The following DLG2 variants were observed in gnomAD, a reference collection of about 807,000 sequenced individuals.
DLG2 encodes the protein discs large MAGUK scaffold protein 2, also known as disks large homolog 2.
A neutral mutation model predicts 132.5 loss-of-function variants in DLG2; 45 were observed. The ratio of observed to expected loss-of-function variants is 0.34; its 90% CI spans 0.27 to 0.44. DLG2 has a LOEUF of 0.44. DLG2 is among the 20% of genes least tolerant of loss of function. The pLI is 1.00. For missense variants in DLG2, 1,045 were observed against 1,196.9 expected (o/e 0.87, Z 1.87); for synonymous variants, 424 against 419.6 (o/e 1.01, Z -0.13).
intron 3 of DLG2, among the ~76,000 whole-genome samples, chr11:85,287,423 G>A (rs899580265): frequency 1.3e-5 from 2 of 152,002 alleles, no homozygotes; most frequent in Admixed American, 6.6e-5. Context: ...AAAGATCCTC[G>A]ACCTCATTGG....
At chr11:83,802,320 G>C (rs2044640781) in intron 17 of DLG2, among the ~76,000 whole-genome samples, 1 of 152,102 alleles carries the variant, frequency 6.6e-6, no homozygotes, top group African/African-American at 2.4e-5. Context: ...TACCCTTCAA[G>C]ATCTGCTTTG....
At chr11:83,660,774 T>C (rs1389469939) in intron 18 of DLG2, among the ~76,000 whole-genome samples, 1 of 152,118 alleles carries the variant, frequency 6.6e-6, no homozygotes, top group Admixed American at 6.6e-5. Context: ...AAAAAAGTGA[T>C]GGAAAGATAA....
chr11:83,758,304 A>C (rs748128873), intron 18 of DLG2, among the ~76,000 whole-genome samples: 3 of 151,814 alleles, frequency 2.0e-5, no homozygotes, highest in Non-Finnish European at 4.4e-5. Flanking sequence ...TCCACATCAC[A>C]TCCAATTACC....
intron 6 of DLG2, among the ~76,000 whole-genome samples, chr11:84,801,598 C>G (rs2075386279): frequency 6.6e-6 from 1 of 152,210 alleles, no homozygotes; most frequent in Admixed American, 6.5e-5. Flanking sequence ...TTGCTTTTGT[C>G]GCTGGAATTA....
chr11:83,910,176 C>T (rs72945784), intron 15 of DLG2, among the ~76,000 whole-genome samples: 30,436 of 152,076 alleles, frequency 0.2, 3,325 homozygotes, highest in Non-Finnish European at 0.25. Flanking sequence ...TGTAGGAGAA[C>T]TGCAGCTGCT....
rs368205556 is a variant in DLG2 at position 84,379,829 on chromosome 11, A to T, written c.520-128538T>A. ...GAATTTTCTATAACTTAAATATACAAGTCCATTGATTTAGGTAGCACAATA... is the reference window on the plus strand; with the variant it reads ...GAATTTTCTATAACTTAAATATACATGTCCATTGATTTAGGTAGCACAATA... On this transcript the variant is annotated intron_variant, in intron 7 of 27. Transcript: ENST00000376104. 2.6e-5 allele frequency among the ~76,000 whole-genome samples: 4 copies of T among 152,064 alleles called. No homozygotes were observed. In the East Asian group the frequency reaches 7.7e-4, roughly 29 times the overall value.
intron 8 of DLG2, among the ~76,000 whole-genome samples, chr11:84,221,269 GC>G (rs1340686855): frequency 6.6e-6 from 1 of 151,976 alleles, no homozygotes; most frequent in East Asian, 1.9e-4. Context: ...TTCAAGACCA[GC>G]CTGGCCAACA....
At chr11:84,753,662 C>T (rs1197829217) in intron 6 of DLG2, among the ~76,000 whole-genome samples, 4 of 152,226 alleles carry the variant, frequency 2.6e-5, no homozygotes, top group Non-Finnish European at 2.9e-5. Context: ...GATGTAGAAA[C>T]TGGAGATGGA....
intron 6 of DLG2, among the ~76,000 whole-genome samples, chr11:84,799,129 G>T (rs2075052645): frequency 6.6e-6 from 1 of 152,166 alleles, no homozygotes; most frequent in South Asian, 2.1e-4. Flanking sequence ...CGGCCTCAAG[G>T]CTTGCCTAAG....
At chr11:84,563,209 C>T (rs896583900) in intron 6 of DLG2, among the ~76,000 whole-genome samples, 6 of 152,126 alleles carry the variant, frequency 3.9e-5, no homozygotes, top group East Asian at 1.9e-4. Context: ...TTGGCACCTG[C>T]GGACTTTTCA....
chr11:84,209,606 T>C (rs900955721), intron 8 of DLG2, among the ~76,000 whole-genome samples: 8 of 100,658 alleles, frequency 7.9e-5, no homozygotes, highest in African/African-American at 2.3e-4. Flanking sequence ...AAATCTAAGA[T>C]TGTTCCAAAA....
intron 7 of DLG2, among the ~76,000 whole-genome samples, chr11:84,459,968 T>C (rs2099075961): frequency 6.6e-6 from 1 of 150,736 alleles, no homozygotes; most frequent in Non-Finnish European, 1.5e-5. Context: ...TCTTTTAGTC[T>C]TTCAACAATA....
intron 3 of DLG2, among the ~76,000 whole-genome samples, chr11:85,467,962 C>T (rs1044123010): frequency 2.0e-5 from 3 of 152,128 alleles, no homozygotes; most frequent in African/African-American, 7.2e-5. Context: ...GGTTGGTAGG[C>T]TATTAATTAT....
intron 7 of DLG2, among the ~76,000 whole-genome samples, chr11:84,451,085 G>GA (rs888554434): frequency 4.0e-5 from 6 of 151,408 alleles, no homozygotes; most frequent in Admixed American, 2.0e-4. Context: ...TATAGGCTGA[G>GA]AAAAAAAAGT....
At chr11:85,495,469 A>G (rs544745344) in intron 3 of DLG2, among the ~76,000 whole-genome samples, 2 of 152,322 alleles carry the variant, frequency 1.3e-5, no homozygotes, top group East Asian at 3.9e-4. Flanking sequence ...AAAAGTAGGC[A>G]AAAGATATGA....
At chr11:84,601,564 A>G (rs1000011412) in intron 6 of DLG2, among the ~76,000 whole-genome samples, 5 of 152,074 alleles carry the variant, frequency 3.3e-5, no homozygotes, top group African/African-American at 1.2e-4. Context: ...TAAATATCCA[A>G]CAATACAAAA....
At chr11:84,744,014 G>A (rs530853498) in intron 6 of DLG2, among the ~76,000 whole-genome samples, 8 of 152,248 alleles carry the variant, frequency 5.3e-5, no homozygotes, top group East Asian at 1.9e-4. Context: ...ATGAGCCACC[G>A]TGCCCGGCCG....
chr11:84,949,383 G>T (rs114436409), intron 6 of DLG2, among the ~76,000 whole-genome samples: 1 of 152,188 alleles, frequency 6.6e-6, no homozygotes, highest in Non-Finnish European at 1.5e-5. Context: ...ATGAAGTTGA[G>T]ACAGGGATTT....
intron 6 of DLG2, among the ~76,000 whole-genome samples, chr11:84,798,967 T>C (rs1011474882): frequency 2.2e-4 from 33 of 152,124 alleles, no homozygotes; most frequent in African/African-American, 7.7e-4. Context: ...TCTTTACTCT[T>C]CTCCTCTTCT....
Sources: gnomAD v4.1 joint callset for allele counts (sites outside exome capture counted in the v4.1 genomes callset) on GRCh38, gnomAD v4.1.1 for gene constraint, MANE v1.5 for transcripts, NCBI Gene and HGNC (gene_info 2026-07-23, HGNC 2026-07-21) for gene names.